The following CEP162 variants were observed in gnomAD, a reference collection of about 807,000 sequenced individuals.
CEP162 encodes centrosomal protein of 162 kDa.
A neutral mutation model predicts 169.2 loss-of-function variants in CEP162; 141 were observed. The ratio of observed to expected loss-of-function variants is 0.83; its 90% CI spans 0.73 to 0.96. The LOEUF is 0.96. Among genes scored for constraint, CEP162 ranks in the 40% least tolerant of loss-of-function variants. The pLI, the probability that CEP162 is intolerant of heterozygous loss-of-function variation, is 0.00. For synonymous variants in CEP162, 540 were observed against 526.4 expected (o/e 1.03, Z -0.35); for missense variants, 1,600 against 1,587.2 (o/e 1.01, Z -0.14).
intron 3 of CEP162, among the ~76,000 whole-genome samples, chr6:84,217,288 T>C (rs143518533): frequency 2.0e-5 from 3 of 152,152 alleles, no homozygotes; most frequent in African/African-American, 7.2e-5. Flanking sequence ...AGTGCCAAGA[T>C]GAAAAATAAA....
At chr6:84,209,495 C>G (rs566577684) in intron 6 of CEP162, among the ~76,000 whole-genome samples, 38 of 152,124 alleles carry the variant, frequency 2.5e-4, no homozygotes, top group African/African-American at 7.7e-4. Context: ...CTGCCTCAGC[C>G]TCCTGAGTAG....
intron 3 of CEP162, chr6:84,219,139 AG>A: frequency 7.8e-7 from 1 of 1,279,222 alleles, no homozygotes; most frequent in African/African-American, 1.5e-5. Flanking sequence ...TCTTCTCAAG[AG>A]GAGTGTTGAA....
At chr6:84,177,867 T>C (rs568616942) in intron 13 of CEP162, among the ~76,000 whole-genome samples, 2 of 152,158 alleles carry the variant, frequency 1.3e-5, no homozygotes, top group Admixed American at 1.3e-4. Flanking sequence ...AACACTCTTT[T>C]TAAAAGTATG....
chr6:84,218,239 C>G (rs2099552291), intron 3 of CEP162, among the ~76,000 whole-genome samples: 1 of 152,134 alleles, frequency 6.6e-6, no homozygotes, highest in African/African-American at 2.4e-5. Flanking sequence ...ACAGTAGGTA[C>G]AGAAGCATGA....
chr6:84,224,171 T>C (rs2099554822), intron 2 of CEP162, among the ~76,000 whole-genome samples: 1 of 151,416 alleles, frequency 6.6e-6, no homozygotes, highest in Non-Finnish European at 1.5e-5. Context: ...AAACAAAATG[T>C]GGTACATCTA....
intron 22 of CEP162, among the ~76,000 whole-genome samples, chr6:84,154,312 A>ATC (rs2099522218): frequency 1.3e-5 from 2 of 149,994 alleles, no homozygotes; most frequent in African/African-American, 5.0e-5. Context: ...GTTATCAGGG[A>ATC]TATCTATCTA....
At position 84,215,792 on chromosome 6, in the gene CEP162, A is replaced by G. The variant is rs775631707; in HGVS notation, c.303T>C (p.Asp101=). Reference sequence around the variant, plus strand: ...ATTTCTTACCATTTGTTTCTAAGCTATCAGTACTTAAGAGAGAGGTTCCAC... The same window carrying G: ...ATTTCTTACCATTTGTTTCTAAGCTGTCAGTACTTAAGAGAGAGGTTCCAC... ...KSSGTSLLST[D]SLETNELVVS... The change falls in exon 4 of 27, where the codon GAT becomes GAC. Residue 101 remains aspartate, a synonymous_variant. Coordinates refer to ENST00000403245, the MANE Select transcript of CEP162 (RefSeq NM_014895.4). 1.3e-6 allele frequency: 2 copies of G among 1,589,722 alleles called. No individual in the cohort carries two copies. The highest frequency in any genetic ancestry group is 1.7e-6 in the Non-Finnish European group (2 of 1,166,164).
At chr6:84,180,710 CAG>C (rs2099534439) in intron 13 of CEP162, among the ~76,000 whole-genome samples, 1 of 151,734 alleles carries the variant, frequency 6.6e-6, no homozygotes, top group South Asian at 2.1e-4. Flanking sequence ...AACAGACAAA[CAG>C]AGAGCCAAAT....
At chr6:84,203,144 A>T (rs1283462298) in intron 7 of CEP162, among the ~76,000 whole-genome samples, 2 of 152,218 alleles carry the variant, frequency 1.3e-5, no homozygotes, top group East Asian at 1.9e-4. Context: ...AAGGTAGGCA[A>T]TATGAAGTAG....
intron 18 of CEP162, among the ~76,000 whole-genome samples, chr6:84,166,480 C>T (rs2099527892): frequency 6.6e-6 from 1 of 152,184 alleles, no homozygotes; most frequent in Non-Finnish European, 1.5e-5. Context: ...AGCACTTCTA[C>T]CTGTAATTAT....
intron 9 of CEP162, among the ~76,000 whole-genome samples, chr6:84,200,083 T>C (rs2099543856): frequency 6.6e-6 from 1 of 151,764 alleles, no homozygotes; most frequent in African/African-American, 2.4e-5. Flanking sequence ...ACCTTGTCTC[T>C]ACTAAAAAAA....
rs35312098 is a variant in CEP162, at chr6:84,134,919, T to TACACACACAC, written c.3871-8417_3871-8408dup. Among the ~76,000 whole-genome samples, 262 of 148,360 alleles carry TACACACACAC rather than the reference T, an allele frequency of 1.8e-3. 1 individual carries two copies. Among genetic ancestry groups the TACACACACAC allele is most frequent in the African/African-American group, 6.1e-3 (247 of 40,362 alleles). Reference sequence around the variant, plus strand: ...TATACTGTCATGAAAAGATCATATATACACACACACACACACACACACACA... The same window carrying TACACACACAC: ...TATACTGTCATGAAAAGATCATATATACACACACACACACACACACACACACACACACACA... On this transcript the variant is annotated intron_variant, in intron 25 of 26. Coordinates refer to ENST00000403245, the MANE Select transcript of CEP162 (RefSeq NM_014895.4).
chr6:84,148,453 T>C (rs2099519901), intron 24 of CEP162, among the ~76,000 whole-genome samples: 1 of 152,064 alleles, frequency 6.6e-6, no homozygotes, highest in South Asian at 2.1e-4. Context: ...CGCTTGAACC[T>C]GGGAGGCAGA....
chr6:84,135,698 A>G (rs1363279653), intron 25 of CEP162, among the ~76,000 whole-genome samples: 2 of 152,170 alleles, frequency 1.3e-5, no homozygotes, highest in East Asian at 3.8e-4. Context: ...CTCCATCTCT[A>G]CTAAAAACAC....
chr6:84,222,873 T>G (rs1485268049), intron 2 of CEP162, among the ~76,000 whole-genome samples: 2 of 152,240 alleles, frequency 1.3e-5, no homozygotes, highest in Non-Finnish European at 2.9e-5. Flanking sequence ...AGAACTTAAC[T>G]GTCTTCACTA....
rs114557773 is a variant in CEP162, at chr6:84,158,180, C to T, written c.2781+2632G>A. On this transcript the variant is annotated intron_variant, in intron 21 of 26. Coordinates refer to ENST00000403245, the MANE Select transcript of CEP162 (RefSeq NM_014895.4). ...GTTGAACTGTTTTCTAGCCTATGAG[C>T]ATGCAACAAAATAGTGCCTGAGAGG... is the stretch of plus-strand genomic sequence containing the variant. Among the ~76,000 whole-genome samples the T allele has an allele frequency of 6.3e-3, 956 of 152,314 alleles. 4 individuals carry two copies. The highest frequency in any genetic ancestry group is 0.022 in the African/African-American group (920 of 41,572).
intron 25 of CEP162, among the ~76,000 whole-genome samples, chr6:84,141,446 G>C (rs989845826): frequency 2.0e-5 from 3 of 151,986 alleles, no homozygotes; most frequent in Non-Finnish European, 4.4e-5. Flanking sequence ...CCTACCTATA[G>C]TCTCCTTTAC....
At chr6:84,193,769 A>G (rs183186974) in intron 10 of CEP162, 79 bp from the exon 11 acceptor site, 1 of 740,616 alleles carries the variant, frequency 1.4e-6, no homozygotes, top group Non-Finnish European at 2.2e-6. Context: ...CACCAAAATT[A>G]TATTTTCTCT....
At chr6:84,212,410 G>A (rs2099549835) in intron 6 of CEP162, among the ~76,000 whole-genome samples, 1 of 152,002 alleles carries the variant, frequency 6.6e-6, no homozygotes, top group Admixed American at 6.6e-5. Context: ...TAGCAAAATG[G>A]TTGAGGAGAG....
Sources: allele counts gnomAD v4.1 joint callset (sites outside exome capture counted in the v4.1 genomes callset), GRCh38; gene constraint gnomAD v4.1.1; transcripts MANE v1.5; gene names NCBI Gene and HGNC (gene_info 2026-07-23, HGNC 2026-07-21).